ZKSCAN5: variants seen among roughly 807,000 people sequenced by gnomAD.
ZKSCAN5 encodes zinc finger with KRAB and SCAN domains 5.
ZKSCAN5 carries 28 observed loss-of-function variants against 60.0 expected under a neutral mutation model. That is an observed-to-expected ratio of 0.47 (90% CI 0.35 to 0.64). ZKSCAN5 has a LOEUF of 0.64. Ranked by LOEUF, ZKSCAN5 falls within the 30% of genes least tolerant of loss-of-function variation. The pLI, the probability that ZKSCAN5 is intolerant of heterozygous loss-of-function variation, is 0.01. For synonymous variants in ZKSCAN5, 361 were observed against 371.2 expected (o/e 0.97, Z 0.31); for missense variants, 881 against 1,034.6 (o/e 0.85, Z 2.04).
At chr7:99,515,089 A>T (rs1318887514) in intron 3 of ZKSCAN5, among the ~76,000 whole-genome samples, 1 of 151,900 alleles carries the variant, frequency 6.6e-6, no homozygotes, top group Non-Finnish European at 1.5e-5. Context: ...CATAAAAAAT[A>T]AAAATAAAAA....
intron 3 of ZKSCAN5, among the ~76,000 whole-genome samples, chr7:99,516,682 A>C (rs770971101): frequency 2.6e-5 from 4 of 152,058 alleles, no homozygotes; most frequent in South Asian, 2.1e-4. Flanking sequence ...GGTGGTCCCT[A>C]GCTTCCAGAG....
intron 2 of ZKSCAN5, among the ~76,000 whole-genome samples, chr7:99,509,710 C>G (rs1035179792): frequency 1.3e-5 from 2 of 152,106 alleles, no homozygotes; most frequent in South Asian, 4.1e-4. Flanking sequence ...TCGTGATCTG[C>G]CCACCTCGGC....
In ZKSCAN5 at chr7:99,525,984, T is replaced by C; in HGVS notation, c.944T>C (p.Val315Ala). The C allele has an allele frequency of 6.2e-7, 1 of 1,613,950 alleles. No homozygotes were observed. The highest frequency in any genetic ancestry group is 8.5e-7 in the Non-Finnish European group (1 of 1,180,004). Residue 315 changes from valine to alanine, a missense_variant, in exon 6 of 7, where the codon GTG becomes GCG. Around this residue, in one of 5 missense-constraint regions of ZKSCAN5, gnomAD observed 490 missense variants for 554.5 expected, o/e 0.88. Transcript: ENST00000326775. ...CAAAGGTGGCAGGTCAACCCCACTG[T>C]GGGGAAATCAAGGCAGAATCCTTCC... ...MVQRWQVNPT[V>A]GKSRQNPSQK... is the part of the protein sequence containing the mutation.
rs762711501 is a variant in ZKSCAN5 at position 99,531,162 on chromosome 7, A to C, written c.1433A>C (p.Glu478Ala). 3.7e-6 allele frequency: 6 copies of C among 1,605,124 alleles called. No homozygotes were observed. The highest frequency in any genetic ancestry group is 5.1e-6 in the Non-Finnish European group (6 of 1,177,846). Residue 478 changes from glutamate (E) to alanine (A), a missense_variant, in exon 7 of 7, where the codon GAA becomes GCA. Around this residue, in one of 5 missense-constraint regions of ZKSCAN5, gnomAD observed 490 missense variants for 554.5 expected, o/e 0.88. Transcript: ENST00000326775. The part of the protein sequence containing the change: ...TKLSVKKKIS[E>A]YSEADMELSG... ...TTAAGTGTTAAGAAGAAAATTTCAG[A>C]ATATTCAGAAGCAGACATGGAACTA...
rs1802123681 is a variant in ZKSCAN5 at position 99,533,052 on chromosome 7, CTGTT to C, written c.*806_*809del. The C allele has an allele frequency of 7.7e-6, 2 of 259,080 alleles. No individual in the cohort carries two copies. Among genetic ancestry groups the C allele is most frequent in the African/African-American group, 2.2e-5 (1 of 45,906 alleles). 16.0% of individuals were successfully genotyped at this position (259,080 alleles called of 1,614,324 possible). A position where few individuals can be genotyped will look rare whatever the true frequency, so the allele number is the denominator to read the frequency against. ...CAGAGAAGACAGGCAAAGTTGTGGACTGTTTGATCTTGTATTACCCACAGGAATG... is the reference window on the plus strand; with the variant it reads ...CAGAGAAGACAGGCAAAGTTGTGGACTGATCTTGTATTACCCACAGGAATG... On this transcript the variant is annotated 3_prime_UTR_variant, in exon 7 of 7. Coordinates refer to ENST00000326775, the MANE Select transcript of ZKSCAN5 (RefSeq NM_145102.4).
chr7:99,531,819 C>T lies in ZKSCAN5; in HGVS notation c.2090C>T (p.Ala697Val). The T allele has an allele frequency of 6.2e-7, 1 of 1,614,100 alleles. No individual in the cohort carries two copies. Among genetic ancestry groups the T allele is most frequent in the East Asian group, 2.2e-5 (1 of 44,880 alleles). ...GAAAAAAATGGCATCTGTGAGGAAG[C>T]ATATAGTTGGAACTTGACAGTGATT... ...KNEKNGICEE[A>V]YSWNLTVIED... Residue 697 changes from alanine to valine, a missense_variant, in exon 7 of 7, where the codon GCA becomes GTA. Ala to Val is a moderately conservative substitution (Grantham distance 64). Coordinates refer to ENST00000326775, the MANE Select transcript of ZKSCAN5 (RefSeq NM_145102.4).
chr7:99,513,551 GC>G (rs1017640131), intron 3 of ZKSCAN5, among the ~76,000 whole-genome samples: 37 of 152,058 alleles, frequency 2.4e-4, no homozygotes, highest in African/African-American at 8.7e-4. Flanking sequence ...CTGCCACCAT[GC>G]CCAGCTAATT....
intron 3 of ZKSCAN5, chr7:99,513,619 C>G (rs1801139325): frequency 6.5e-6 from 1 of 155,000 alleles, no homozygotes; most frequent in African/African-American, 2.4e-5. Context: ...GTCTTGAACT[C>G]CTGGCCTCAA....
At chr7:99,515,406 CA>C (rs573506998) in intron 3 of ZKSCAN5, among the ~76,000 whole-genome samples, 28 of 135,502 alleles carry the variant, frequency 2.1e-4, no homozygotes, top group African/African-American at 4.1e-4. Flanking sequence ...GACTCTGTCT[CA>C]AAAAAAAAAA....
At chr7:99,522,354 G>A (rs1801573919) in intron 5 of ZKSCAN5, among the ~76,000 whole-genome samples, 1 of 152,140 alleles carries the variant, frequency 6.6e-6, no homozygotes, top group African/African-American at 2.4e-5. Flanking sequence ...TTTGAAGATT[G>A]CAAAGGAGTG....
At chr7:99,529,043 T>G (rs1801930994) in intron 6 of ZKSCAN5, among the ~76,000 whole-genome samples, 1 of 152,328 alleles carries the variant, frequency 6.6e-6, no homozygotes, top group South Asian at 2.1e-4. Flanking sequence ...ATTTCCTGAC[T>G]CCTAGTCAGA....
chr7:99,511,320 T>C (rs1012781061), intron 2 of ZKSCAN5, among the ~76,000 whole-genome samples: 8 of 152,216 alleles, frequency 5.3e-5, no homozygotes, highest in Non-Finnish European at 1.0e-4. Context: ...TGTGACTTAC[T>C]GAGTGCTATG....
intron 2 of ZKSCAN5, among the ~76,000 whole-genome samples, chr7:99,508,777 T>C (rs1304143666): frequency 6.6e-6 from 1 of 151,068 alleles, no homozygotes; most frequent in Non-Finnish European, 1.5e-5. Context: ...TACAATATTT[T>C]ATTTCTGTGA....
intron 6 of ZKSCAN5, 22 bp downstream of exon 6, chr7:99,526,440 C>T: frequency 6.3e-7 from 1 of 1,583,712 alleles, no homozygotes; most frequent in Non-Finnish European, 8.5e-7. Flanking sequence ...GAGTTTATAT[C>T]CGGGGGATAA....
chr7:99,512,560 G>A lies in ZKSCAN5; in HGVS notation c.522G>A (p.Ala174=), dbSNP rs749781570. The A allele has an allele frequency of 5.6e-6, 9 of 1,614,018 alleles. No individual in the cohort carries two copies. The highest frequency in any genetic ancestry group is 1.6e-4 in the Middle Eastern group (1 of 6,084). Residue 174 remains alanine (A), a synonymous_variant, in exon 3 of 7, where the codon GCG becomes GCA. Transcript: ENST00000326775. ...PLTVDTQPEQ[A]PQKPRLLEEN... is the part of the protein sequence containing the mutation. The stretch of plus-strand genomic sequence containing the variant: ...CCGTGGACACCCAGCCTGAGCAAGC[G>A]CCACAGAAGCCTCGTCTCCTGGAGG...
rs1191817607 is a variant in ZKSCAN5 at position 99,505,209 on chromosome 7, G to C, written c.-41+476G>C. 3 of 152,318 alleles carry C rather than the reference G, an allele frequency of 2.0e-5. No individual in the cohort carries two copies. In the East Asian group the frequency reaches 5.8e-4, roughly 29 times the overall value. The allele number at this position is 152,318 out of a possible 1,614,324, so 9.4% of individuals were successfully genotyped here. A position where few individuals can be genotyped will look rare whatever the true frequency, so the allele number is the denominator to read the frequency against. On this transcript the variant is annotated intron_variant, in intron 1 of 6. Coordinates refer to ENST00000326775, the MANE Select transcript of ZKSCAN5 (RefSeq NM_145102.4). ...AGAGGACGCGGAAGTGCTTTCGGGG[G>C]GGGGTGGGATCTAACGGTTTAACCC...
At chr7:99,527,558 T>G (rs1424586572) in intron 6 of ZKSCAN5, among the ~76,000 whole-genome samples, 1 of 152,222 alleles carries the variant, frequency 6.6e-6, no homozygotes, top group Non-Finnish European at 1.5e-5. Flanking sequence ...GCCCTCCTTT[T>G]TATTTCTGAC....
intron 2 of ZKSCAN5, among the ~76,000 whole-genome samples, chr7:99,511,733 G>GCCGCCTGGCCCTGAGAAAGTT (rs55844716): frequency 6.6e-6 from 1 of 152,090 alleles, no homozygotes; most frequent in South Asian, 2.1e-4. Flanking sequence ...ATGAGCTACC[G>GCCGCCTGGCCCTGAGAAAGTT]TTTCAGTGTT....
intron 3 of ZKSCAN5, among the ~76,000 whole-genome samples, chr7:99,515,879 G>A (rs1396403936): frequency 2.0e-5 from 3 of 151,910 alleles, no homozygotes; most frequent in South Asian, 4.2e-4. Flanking sequence ...TCCTCGAGAG[G>A]TTAAGTTGAT....
Sources: allele counts gnomAD v4.1 joint callset (sites outside exome capture counted in the v4.1 genomes callset), GRCh38; gene constraint gnomAD v4.1.1; regional missense constraint gnomAD v4.1.1; transcripts MANE v1.5; gene names NCBI Gene and HGNC (gene_info 2026-07-23, HGNC 2026-07-21).